SLC25A21: variants seen among roughly 807,000 people sequenced by gnomAD.
SLC25A21 encodes the protein mitochondrial 2-oxodicarboxylate carrier.
Under a neutral mutation model 43.8 loss-of-function variants are expected in SLC25A21, and 47 were observed. The observed-to-expected ratio is 1.07, with a 90% CI of 0.85 to 1.37. The LOEUF (loss-of-function observed/expected upper bound fraction) is 1.37. Ranked by LOEUF, SLC25A21 falls within the 40% of genes most tolerant of loss-of-function variation. The pLI, the probability that SLC25A21 is intolerant of heterozygous loss-of-function variation, is 0.00. For synonymous variants in SLC25A21, 131 were observed against 121.3 expected, an observed-to-expected ratio of 1.08 and a Z score of -0.52; for missense variants, 352 against 350.2, an observed-to-expected ratio of 1.00 and a Z score of -0.04.
chr14:36,971,441 G>A lies in SLC25A21; in HGVS notation c.71-96437C>T, dbSNP rs887449389. On this transcript the variant is annotated intron_variant, in intron 1 of 9. Transcript: ENST00000331299. Reference sequence around the variant, plus strand: ...GAGCAGACAAGATGGCGCTGGCCAAGTAGAAAGCCCATTTGCATAATAAGA... The same window carrying A: ...GAGCAGACAAGATGGCGCTGGCCAAATAGAAAGCCCATTTGCATAATAAGA... 2.0e-5 allele frequency among the ~76,000 whole-genome samples: 3 copies of A among 152,112 alleles called. No individual in the cohort carries two copies. In the South Asian group the frequency reaches 6.2e-4, roughly 31 times the overall value.
At chr14:36,871,093 C>T (rs1351106911) in intron 2 of SLC25A21, 1 of 152,338 alleles carries the variant, frequency 6.6e-6, no homozygotes, top group Non-Finnish European at 1.5e-5. Context: ...GCAGAGTGTC[C>T]CCTGGCTATG....
intron 1 of SLC25A21, among the ~76,000 whole-genome samples, chr14:36,983,247 A>G (rs1960070707): frequency 6.6e-6 from 1 of 152,222 alleles, no homozygotes; most frequent in South Asian, 2.1e-4. Context: ...GTTCACTCTC[A>G]GAGCACTGCT....
intron 1 of SLC25A21, among the ~76,000 whole-genome samples, chr14:36,992,954 T>C (rs922854947): frequency 1.3e-5 from 2 of 152,224 alleles, no homozygotes. Context: ...TGTGTAGTTT[T>C]AGCCTAATTG....
chr14:36,871,560 G>A (rs1262676710), intron 2 of SLC25A21, among the ~76,000 whole-genome samples: 5 of 152,134 alleles, frequency 3.3e-5, no homozygotes, highest in Admixed American at 6.5e-5. Flanking sequence ...ATTGACACAA[G>A]GCTTGGAGTA....
intron 1 of SLC25A21, among the ~76,000 whole-genome samples, chr14:37,017,150 C>CTAGCTTTTGGCCTATCT (rs1318222340): frequency 1.3e-5 from 2 of 152,024 alleles, no homozygotes; most frequent in Non-Finnish European, 2.9e-5. Flanking sequence ...TGCAAGAGGC[C>CTAGCTTTTGGCCTATCT]TAGCTTTTGG....
At chr14:36,830,501 C>G (rs1381338497) in intron 2 of SLC25A21, among the ~76,000 whole-genome samples, 1 of 151,870 alleles carries the variant, frequency 6.6e-6, no homozygotes, top group African/African-American at 2.4e-5. Flanking sequence ...TACTACACTA[C>G]TAAGTCTTTG....
chr14:36,874,807 G>A, intron 2 of SLC25A21, 149 bp downstream of exon 2: 2 of 545,462 alleles, frequency 3.7e-6, no homozygotes, highest in East Asian at 6.2e-5. Flanking sequence ...CATTTTATCT[G>A]TCAAATAGTA....
chr14:37,172,560 G>T lies in SLC25A21; in HGVS notation c.-210C>A, dbSNP rs45449092. 0.011 allele frequency: 7,499 copies of T among 710,320 alleles called. 74 individuals are homozygous for T. Among genetic ancestry groups the T allele is most frequent in the Non-Finnish European group, 0.011 (4,361 of 391,282 alleles). The allele number at this position is 710,320 out of a possible 1,614,324, so 44.0% of individuals were successfully genotyped here. A position where few individuals can be genotyped will look rare whatever the true frequency, so the allele number is the denominator to read the frequency against. The stretch of plus-strand genomic sequence containing the variant: ...CGGCGCGTCGGAACCTGTTCGCAGC[G>T]CTCTCGCAGAGGCGCCCTCGGCTCC... On this transcript the variant is annotated 5_prime_UTR_variant, in exon 1 of 10. Transcript: ENST00000331299.
intron 1 of SLC25A21, among the ~76,000 whole-genome samples, chr14:36,926,987 T>C (rs1451533708): frequency 6.6e-6 from 1 of 151,998 alleles, no homozygotes; most frequent in Non-Finnish European, 1.5e-5. Flanking sequence ...CTGGGCAACA[T>C]GGTGAAACCC....
chr14:37,073,594 T>C (rs750487775), intron 1 of SLC25A21, among the ~76,000 whole-genome samples: 3 of 152,102 alleles, frequency 2.0e-5, no homozygotes, highest in Non-Finnish European at 2.9e-5. Flanking sequence ...TTTTATGTAA[T>C]TTAACTCTCA....
intron 1 of SLC25A21, among the ~76,000 whole-genome samples, chr14:37,095,817 CGCACACACACACACACACACACACACAA>C (rs1566877816): frequency 2.0e-4 from 6 of 29,872 alleles, no homozygotes; most frequent in Non-Finnish European, 3.8e-4. Context: ...CACACGCGCA[CGCACACACACACACACACACACACACAA>C]AAAACACCTT....
In SLC25A21 at chr14:36,886,004, TA is replaced by T. The variant is rs546627248; in HGVS notation, c.71-11001del. Among the ~76,000 whole-genome samples, 276 of 152,254 alleles carry T rather than the reference TA, an allele frequency of 1.8e-3. 1 individual carries two copies. Among genetic ancestry groups the T allele is most frequent in the African/African-American group, 6.5e-3 (269 of 41,550 alleles). The stretch of plus-strand genomic sequence containing the variant: ...GTAATATTCTTAAGTCTTTAAAACA[TA>T]AAAAAATACTTTTATATTTTAAAGG... On this transcript the variant is annotated intron_variant, in intron 1 of 9. Coordinates refer to ENST00000331299, the MANE Select transcript of SLC25A21 (RefSeq NM_030631.4).
At chr14:36,719,852 C>A (rs1481115864) in intron 6 of SLC25A21, among the ~76,000 whole-genome samples, 1 of 152,156 alleles carries the variant, frequency 6.6e-6, no homozygotes, top group Non-Finnish European at 1.5e-5. Flanking sequence ...GGTACAGGAT[C>A]AGAGAGGAGA....
At chr14:36,706,105 G>GA (rs1195492337) in intron 7 of SLC25A21, among the ~76,000 whole-genome samples, 1 of 151,900 alleles carries the variant, frequency 6.6e-6, no homozygotes, top group Non-Finnish European at 1.5e-5. Context: ...TCTAGGCCAA[G>GA]AAAAAAACAA....
At chr14:37,013,011 G>A (rs116812289) in intron 1 of SLC25A21, among the ~76,000 whole-genome samples, 1 of 152,186 alleles carries the variant, frequency 6.6e-6, no homozygotes, top group Non-Finnish European at 1.5e-5. Context: ...GGATTGCGCA[G>A]CTCAGAGTCT....
At chr14:37,104,005 G>A (rs183438446) in intron 1 of SLC25A21, among the ~76,000 whole-genome samples, 3 of 152,182 alleles carry the variant, frequency 2.0e-5, no homozygotes, top group Admixed American at 6.5e-5. Flanking sequence ...TGCTTCCCAC[G>A]GCTCGTGGAC....
At chr14:36,826,262 G>GA (rs949973924) in intron 2 of SLC25A21, among the ~76,000 whole-genome samples, 7 of 152,122 alleles carry the variant, frequency 4.6e-5, no homozygotes, top group African/African-American at 7.2e-5. Context: ...GGTCAGTGGG[G>GA]ACCTCTTGAA....
At chr14:36,682,386 C>T (rs1001835921) in intron 9 of SLC25A21, among the ~76,000 whole-genome samples, 4 of 152,080 alleles carry the variant, frequency 2.6e-5, no homozygotes, top group South Asian at 2.1e-4. Context: ...TCACAAGAAC[C>T]CTTTTCTTTG....
chr14:36,849,121 A>G (rs1305150615), intron 2 of SLC25A21, among the ~76,000 whole-genome samples: 1 of 152,180 alleles, frequency 6.6e-6, no homozygotes, highest in African/African-American at 2.4e-5. Flanking sequence ...ACAAAAATTG[A>G]TATCTTATGG....
Sources: allele counts gnomAD v4.1 joint callset (sites outside exome capture counted in the v4.1 genomes callset), GRCh38; gene constraint gnomAD v4.1.1; transcripts MANE v1.5; gene names NCBI Gene and HGNC (gene_info 2026-07-23, HGNC 2026-07-21).